NTM: variants seen among roughly 807,000 people sequenced by gnomAD.
NTM encodes neurotrimin.
NTM carries 13 observed loss-of-function variants against 42.1 expected under a neutral mutation model. That is an observed-to-expected ratio of 0.31 (90% confidence interval 0.20 to 0.49). The LOEUF is 0.49. NTM is among the 20% of genes least tolerant of loss of function. The pLI, the probability that NTM is intolerant of heterozygous loss-of-function variation, is 0.99. For synonymous variants in NTM, 187 were observed against 179.2 expected (o/e 1.04, Z -0.35); for missense variants, 373 against 452.8 (o/e 0.82, Z 1.60).
chr11:132,105,872 G>A (rs1293402316), intron 2 of NTM, among the ~76,000 whole-genome samples: 4 of 152,192 alleles, frequency 2.6e-5, no homozygotes, highest in Non-Finnish European at 4.4e-5. Context: ...AAGAGGGGAT[G>A]TTCTAGATGG....
chr11:131,765,242 T>C (rs1293888452), intron 1 of NTM, among the ~76,000 whole-genome samples: 1 of 152,162 alleles, frequency 6.6e-6, no homozygotes, highest in African/African-American at 2.4e-5. Context: ...ATTGCCCTTC[T>C]TCAACCCTCC....
At chr11:132,257,808 A>G (rs2092595852) in intron 4 of NTM, among the ~76,000 whole-genome samples, 1 of 152,174 alleles carries the variant, frequency 6.6e-6, no homozygotes, top group African/African-American at 2.4e-5. Flanking sequence ...TTCGAAGCCC[A>G]TTGCCTCTCT....
intron 1 of NTM, among the ~76,000 whole-genome samples, chr11:131,414,792 C>T (rs144435134): frequency 1.3e-5 from 2 of 152,356 alleles, no homozygotes; most frequent in East Asian, 3.9e-4. Context: ...GCCTTCCTGT[C>T]AATGTACTTG....
At chr11:131,389,202 G>A (rs1208001069) in intron 1 of NTM, among the ~76,000 whole-genome samples, 2 of 152,046 alleles carry the variant, frequency 1.3e-5, no homozygotes, top group Non-Finnish European at 2.9e-5. Context: ...TCCCTGCCTC[G>A]GGCCTGGCTC....
intron 3 of NTM, among the ~76,000 whole-genome samples, chr11:132,185,668 T>C (rs1439479141): frequency 6.6e-6 from 1 of 151,262 alleles, no homozygotes. Context: ...AAAGAGTGTC[T>C]GGTCATTTCA....
At chr11:131,498,103 C>A (rs1003066004) in intron 1 of NTM, among the ~76,000 whole-genome samples, 15 of 142,228 alleles carry the variant, frequency 1.1e-4, no homozygotes, top group Non-Finnish European at 2.2e-4. Flanking sequence ...TACCCTTCTA[C>A]AGAAGTAAAT....
chr11:131,873,385 C>T (rs986894856), intron 1 of NTM, among the ~76,000 whole-genome samples: 12 of 151,074 alleles, frequency 7.9e-5, no homozygotes, highest in African/African-American at 2.4e-4. Flanking sequence ...AGGGGAGATA[C>T]AGCGTTAGGA....
intron 1 of NTM, among the ~76,000 whole-genome samples, chr11:131,557,795 A>C (rs2055657530): frequency 6.6e-6 from 1 of 152,070 alleles, no homozygotes; most frequent in African/African-American, 2.4e-5. Flanking sequence ...GTGGTCTGTC[A>C]TGGCTGTATC....
intron 1 of NTM, among the ~76,000 whole-genome samples, chr11:131,828,037 T>C (rs879550480): frequency 2.6e-5 from 4 of 152,120 alleles, no homozygotes; most frequent in Non-Finnish European, 4.4e-5. Context: ...TCAAACTGCC[T>C]GGGTTCAAAT....
chr11:131,969,481 C>G (rs781063514), intron 2 of NTM, among the ~76,000 whole-genome samples: 8 of 152,332 alleles, frequency 5.3e-5, no homozygotes, highest in South Asian at 2.1e-4. Flanking sequence ...GTTTGTCCAT[C>G]AGCTCCAGAG....
intron 2 of NTM, among the ~76,000 whole-genome samples, chr11:132,004,049 G>A (rs1199565870): frequency 6.6e-6 from 1 of 152,136 alleles, no homozygotes; most frequent in Non-Finnish European, 1.5e-5. Flanking sequence ...ACTAAAGGCT[G>A]CCTTCAACCT....
chr11:131,827,861 C>G (rs1187154961), intron 1 of NTM, among the ~76,000 whole-genome samples: 1 of 152,178 alleles, frequency 6.6e-6, no homozygotes, highest in Non-Finnish European at 1.5e-5. Context: ...ATTCTCGAAG[C>G]TGCCCTCTAC....
chr11:131,378,552 G>A (rs1942259167), intron 1 of NTM, among the ~76,000 whole-genome samples: 1 of 152,164 alleles, frequency 6.6e-6, no homozygotes, highest in Non-Finnish European at 1.5e-5. Flanking sequence ...ATATATGCAT[G>A]CATTTATTTA....
At chr11:131,504,955 G>T (rs756990663) in intron 1 of NTM, among the ~76,000 whole-genome samples, 1 of 151,992 alleles carries the variant, frequency 6.6e-6, no homozygotes, top group Non-Finnish European at 1.5e-5. Context: ...CCTCTCCTCC[G>T]CACTATCTGA....
At chr11:131,822,952 T>C (rs958526143) in intron 1 of NTM, among the ~76,000 whole-genome samples, 8 of 152,164 alleles carry the variant, frequency 5.3e-5, no homozygotes, top group African/African-American at 1.4e-4. Context: ...TTCCTTTCTT[T>C]CTTCCTTCCT....
chr11:131,782,697 A>G (rs930712278), intron 1 of NTM, among the ~76,000 whole-genome samples: 2 of 152,166 alleles, frequency 1.3e-5, no homozygotes, highest in Non-Finnish European at 2.9e-5. Context: ...TTAACATTTA[A>G]AAAGCAATTG....
chr11:131,766,370 C>T (rs1292033229), intron 1 of NTM, among the ~76,000 whole-genome samples: 1 of 152,152 alleles, frequency 6.6e-6, no homozygotes, highest in Non-Finnish European at 1.5e-5. Context: ...GAGAGTGCAG[C>T]AGGACTAGGC....
chr11:131,965,441 T>C (rs113787496), intron 2 of NTM, among the ~76,000 whole-genome samples: 3,119 of 152,334 alleles, frequency 0.02, 94 homozygotes, highest in African/African-American at 0.068. Flanking sequence ...AAAGGGACTT[T>C]AATGCTTGAA....
chr11:131,524,336 G>C (rs1565598836), intron 1 of NTM, among the ~76,000 whole-genome samples: 1 of 152,200 alleles, frequency 6.6e-6, no homozygotes, highest in Non-Finnish European at 1.5e-5. Flanking sequence ...GAAGGTGGGG[G>C]CTCTCGGTCC....
Sources: gnomAD v4.1 joint callset for allele counts (sites outside exome capture counted in the v4.1 genomes callset) on GRCh38, gnomAD v4.1.1 for gene constraint, MANE v1.5 for transcripts, NCBI Gene and HGNC (gene_info 2026-07-23, HGNC 2026-07-21) for gene names.